SCAPER: variants seen among roughly 807,000 people sequenced by gnomAD.
The protein encoded by SCAPER is S-phase cyclin A associated protein in the ER.
Under a neutral mutation model 182.2 loss-of-function variants are expected in SCAPER, and 98 were observed. The observed-to-expected ratio is 0.54, with a 90% confidence interval of 0.46 to 0.64. The LOEUF (loss-of-function observed/expected upper bound fraction) is 0.64, where lower values mean the gene tolerates loss of function less well. Among genes scored for constraint, SCAPER ranks in the 30% least tolerant of loss-of-function variants. The probability of loss-of-function intolerance (pLI) is 0.00; values close to 1 mark genes in which losing one functional copy is unlikely to be tolerated. For missense variants in SCAPER, 1,432 were observed against 1,690.0 expected, an observed-to-expected ratio of 0.85 and a Z score of 2.68; for synonymous variants, 605 against 564.6, an observed-to-expected ratio of 1.07 and a Z score of -1.01.
intron 5 of SCAPER, among the ~76,000 whole-genome samples, chr15:76,818,600 A>AG (rs887879078): frequency 3.3e-5 from 5 of 152,232 alleles, no homozygotes; most frequent in African/African-American, 4.8e-5. Flanking sequence ...CTCAACAATA[A>AG]GGGGGGTGGA....
chr15:76,576,923 G>A (rs2047871261), intron 22 of SCAPER: 1 of 152,098 alleles, frequency 6.6e-6, no homozygotes, highest in Non-Finnish European at 1.5e-5. Flanking sequence ...AAGTGTTCTG[G>A]GGACCTAAAT....
At chr15:76,588,157 C>T (rs928736973) in intron 22 of SCAPER, among the ~76,000 whole-genome samples, 1 of 152,088 alleles carries the variant, frequency 6.6e-6, no homozygotes, top group Non-Finnish European at 1.5e-5. Context: ...CTCCTGACCT[C>T]GTGATCTGCC....
chr15:76,734,912 T>C (rs2061154381), intron 15 of SCAPER, among the ~76,000 whole-genome samples: 4 of 152,138 alleles, frequency 2.6e-5, no homozygotes, highest in Middle Eastern at 6.8e-3. Context: ...TAAACAAGTA[T>C]GCTCAAGGAA....
chr15:76,667,922 C>T (rs2056738637), intron 20 of SCAPER, among the ~76,000 whole-genome samples: 1 of 151,592 alleles, frequency 6.6e-6, no homozygotes, highest in South Asian at 2.1e-4. Flanking sequence ...AAGATCGTGC[C>T]ACTGCACTCC....
intron 24 of SCAPER, among the ~76,000 whole-genome samples, chr15:76,483,940 C>T (rs283792): frequency 0.97 from 147,880 of 152,236 alleles, 71,962 homozygotes; most frequent in South Asian, 1. Context: ...TTTGGTAGTT[C>T]TTTATAAAGC....
At chr15:76,427,835 A>G (rs774636322) in intron 26 of SCAPER, among the ~76,000 whole-genome samples, 27 of 151,900 alleles carry the variant, frequency 1.8e-4, no homozygotes, top group Non-Finnish European at 3.7e-4. Flanking sequence ...CAAGAGCCTG[A>G]GGCAGGGGCA....
intron 27 of SCAPER, among the ~76,000 whole-genome samples, chr15:76,384,427 C>A (rs767892830): frequency 6.6e-6 from 1 of 152,158 alleles, no homozygotes. Context: ...ACTGCTATTT[C>A]CTCTTCCGAA....
chr15:76,806,883 T>C (rs1287363316), intron 5 of SCAPER, among the ~76,000 whole-genome samples: 2 of 152,210 alleles, frequency 1.3e-5, no homozygotes, highest in African/African-American at 4.8e-5. Flanking sequence ...TGTATAAAAA[T>C]ACAACTGATT....
intron 1 of SCAPER, among the ~76,000 whole-genome samples, chr15:76,898,207 T>C (rs780805424): frequency 1.3e-5 from 2 of 152,156 alleles, no homozygotes; most frequent in African/African-American, 2.4e-5. Flanking sequence ...CAATGAGACA[T>C]AACTTCGTAC....
chr15:76,541,170 A>G (rs753943278), intron 23 of SCAPER, among the ~76,000 whole-genome samples: 2 of 151,912 alleles, frequency 1.3e-5, no homozygotes, highest in Admixed American at 6.6e-5. Flanking sequence ...GGAAATGTTT[A>G]TAAGTTATGC....
chr15:76,514,495 C>T (rs2042274587), intron 23 of SCAPER, among the ~76,000 whole-genome samples: 1 of 152,214 alleles, frequency 6.6e-6, no homozygotes, highest in East Asian at 1.9e-4. Flanking sequence ...TAATCTTTGG[C>T]AGCCTGCAAA....
rs554350871 is a variant in SCAPER at position 76,825,706 on chromosome 15, T to A, written c.393+16028A>T. On this transcript the variant is annotated intron_variant, in intron 5 of 31. Coordinates refer to ENST00000563290, the MANE Select transcript of SCAPER (RefSeq NM_020843.4). ...AAAACAGAATCATAACCTTTCCTACTACACCTAGTGGTCTGGGCACCAAGA... is the reference window on the plus strand; with the variant it reads ...AAAACAGAATCATAACCTTTCCTACAACACCTAGTGGTCTGGGCACCAAGA... 2.0e-5 allele frequency among the ~76,000 whole-genome samples: 3 copies of A among 152,324 alleles called. No homozygotes were observed. The South Asian group carries it at 6.2e-4, about 32-fold the overall frequency.
In SCAPER at chr15:76,562,211, G is replaced by A. The variant is rs374386725; in HGVS notation, c.2838+11947C>T. Among the ~76,000 whole-genome samples the A allele has an allele frequency of 3.9e-4, 55 of 141,610 alleles. 4 individuals carry two copies. The South Asian group carries it at 0.012, about 32-fold the overall frequency. The allele number at this position is 141,610 out of a possible 152,430, so 92.9% of individuals were successfully genotyped here. On this transcript the variant is annotated intron_variant, in intron 23 of 31. Coordinates refer to ENST00000563290, the MANE Select transcript of SCAPER (RefSeq NM_020843.4). ...CAAGAGACTAAAAGTAAAACCTCAA[G>A]AATATAGGAGAATATCTTCTTTACT...
intron 7 of SCAPER, among the ~76,000 whole-genome samples, chr15:76,799,346 C>T (rs1453504198): frequency 1.4e-4 from 20 of 146,558 alleles, no homozygotes; most frequent in African/African-American, 5.0e-4. Context: ...AGTACAGTGG[C>T]GTGATATTGG....
chr15:76,890,515 T>C (rs1441688295), intron 1 of SCAPER, among the ~76,000 whole-genome samples: 2 of 152,090 alleles, frequency 1.3e-5, no homozygotes, highest in African/African-American at 4.8e-5. Context: ...AAATACAAAC[T>C]ACCATCAGAG....
At chr15:76,480,780 G>C (rs1459686332) in intron 24 of SCAPER, among the ~76,000 whole-genome samples, 1 of 152,048 alleles carries the variant, frequency 6.6e-6, no homozygotes, top group Non-Finnish European at 1.5e-5. Context: ...ACCCAGGCTG[G>C]AGTGCAGTGG....
chr15:76,746,163 T>C (rs919670443), intron 15 of SCAPER, among the ~76,000 whole-genome samples: 2 of 152,176 alleles, frequency 1.3e-5, no homozygotes, highest in African/African-American at 2.4e-5. Flanking sequence ...ATAATAAAAA[T>C]ACTCAACAAA....
intron 24 of SCAPER, among the ~76,000 whole-genome samples, chr15:76,502,511 G>A (rs2041220268): frequency 7.0e-6 from 1 of 143,422 alleles, no homozygotes; most frequent in Admixed American, 7.2e-5. Flanking sequence ...TCATAGGTGG[G>A]AATTGAACAA....
At chr15:76,633,629 G>C (rs2053342382) in intron 21 of SCAPER, among the ~76,000 whole-genome samples, 1 of 152,214 alleles carries the variant, frequency 6.6e-6, no homozygotes, top group Non-Finnish European at 1.5e-5. Context: ...TGGGGATGCT[G>C]CAATTCCCAC....
Sources: gnomAD v4.1 joint callset for allele counts (sites outside exome capture counted in the v4.1 genomes callset) on GRCh38, gnomAD v4.1.1 for gene constraint, MANE v1.5 for transcripts, NCBI Gene and HGNC (gene_info 2026-07-23, HGNC 2026-07-21) for gene names.